The following RALYL variants were observed in gnomAD, a reference collection of about 807,000 sequenced individuals.
The protein encoded by RALYL is RNA-binding Raly-like protein.
RALYL carries 29 observed loss-of-function variants against 35.1 expected under a neutral mutation model. The ratio of observed to expected loss-of-function variants is 0.83; its 90% CI spans 0.61 to 1.13. The LOEUF (loss-of-function observed/expected upper bound fraction) is 1.13. Ranked by LOEUF, RALYL falls within the 50% of genes most tolerant of loss-of-function variation. The pLI is 0.00. For missense variants in RALYL, 359 were observed against 360.4 expected, an observed-to-expected ratio of 1.00 and a Z score of 0.03; for synonymous variants, 120 against 127.6, an observed-to-expected ratio of 0.94 and a Z score of 0.40.
intron 1 of RALYL, among the ~76,000 whole-genome samples, chr8:84,362,408 C>T (rs1853235194): frequency 6.6e-6 from 1 of 151,936 alleles, no homozygotes; most frequent in Non-Finnish European, 1.5e-5. Context: ...CTGATGTGTC[C>T]CTCTAGAGCA....
chr8:84,855,083 G>T (rs1332337472), intron 5 of RALYL, among the ~76,000 whole-genome samples: 1 of 152,202 alleles, frequency 6.6e-6, no homozygotes, highest in Non-Finnish European at 1.5e-5. Flanking sequence ...GCTGAAAAGA[G>T]CAGGAAGCCA....
At chr8:84,466,828 T>C (rs2051748975) in intron 1 of RALYL, among the ~76,000 whole-genome samples, 1 of 151,544 alleles carries the variant, frequency 6.6e-6, no homozygotes. Flanking sequence ...GCTCCTGTTA[T>C]TGGTCTATTC....
chr8:84,518,046 G>C (rs192970395), intron 1 of RALYL, among the ~76,000 whole-genome samples: 2 of 152,068 alleles, frequency 1.3e-5, no homozygotes, highest in African/African-American at 4.8e-5. Flanking sequence ...CTTATTCTCC[G>C]AAGTTTGAAA....
intron 1 of RALYL, among the ~76,000 whole-genome samples, chr8:84,472,433 A>G (rs1313911388): frequency 6.6e-6 from 1 of 152,206 alleles, no homozygotes; most frequent in Non-Finnish European, 1.5e-5. Flanking sequence ...GCCTGAAGAA[A>G]TGATAGGATT....
At chr8:84,278,829 A>G (rs1455074466) in intron 1 of RALYL, among the ~76,000 whole-genome samples, 1 of 152,190 alleles carries the variant, frequency 6.6e-6, no homozygotes, top group Non-Finnish European at 1.5e-5. Context: ...ACAAGTCTCT[A>G]GGAAGTTACA....
chr8:84,679,700 G>T lies in RALYL; in HGVS notation c.257-94879G>T. On this transcript the variant is annotated intron_variant, in intron 2 of 8. Coordinates refer to ENST00000521268, the MANE Select transcript of RALYL (RefSeq NM_173848.7). ...GTGAGAACTAATTCATCAGTTGGAT[G>T]GCTTTGACCCTCAAGGCAATATTAA... The T allele has an allele frequency of 1.2e-5, 6 of 513,772 alleles. 2 individuals carry two copies. The highest frequency in any genetic ancestry group is 8.7e-5 in the South Asian group (6 of 68,642). The allele number at this position is 513,772 out of a possible 1,614,324, so 31.8% of individuals were successfully genotyped here. A position where few individuals can be genotyped will look rare whatever the true frequency, so the allele number is the denominator to read the frequency against.
intron 1 of RALYL, among the ~76,000 whole-genome samples, chr8:84,472,778 C>CT (rs1474740966): frequency 2.0e-5 from 3 of 152,098 alleles, no homozygotes; most frequent in Non-Finnish European, 1.5e-5. Flanking sequence ...ATGTTTTTGA[C>CT]TTAACAGTTT....
chr8:84,899,594 A>G (rs1206782568), intron 8 of RALYL, among the ~76,000 whole-genome samples: 1 of 152,166 alleles, frequency 6.6e-6, no homozygotes, highest in Non-Finnish European at 1.5e-5. Context: ...AACAGTTTTC[A>G]TTATAGCTTA....
intron 2 of RALYL, among the ~76,000 whole-genome samples, chr8:84,540,397 C>A (rs2135231747): frequency 6.6e-6 from 1 of 151,812 alleles, no homozygotes; most frequent in African/African-American, 2.4e-5. Context: ...TGGCTAACAA[C>A]TTTTACCAGG....
chr8:84,692,979 A>G (rs1475226117), intron 2 of RALYL, among the ~76,000 whole-genome samples: 1 of 152,030 alleles, frequency 6.6e-6, no homozygotes, highest in Non-Finnish European at 1.5e-5. Flanking sequence ...CAAACAAATT[A>G]TCTCCTGAAA....
intron 1 of RALYL, among the ~76,000 whole-genome samples, chr8:84,494,531 A>G (rs2055768298): frequency 6.6e-6 from 1 of 152,108 alleles, no homozygotes. Context: ...CTTCCTGTCC[A>G]TGAGGATGGA....
At chr8:84,417,792 C>T (rs2044895390) in intron 1 of RALYL, among the ~76,000 whole-genome samples, 1 of 151,974 alleles carries the variant, frequency 6.6e-6, no homozygotes, top group African/African-American at 2.4e-5. Flanking sequence ...CTTTATTTTC[C>T]CTCCAATTCC....
intron 2 of RALYL, among the ~76,000 whole-genome samples, chr8:84,623,274 A>G (rs1393874822): frequency 2.0e-5 from 3 of 152,184 alleles, no homozygotes; most frequent in Admixed American, 6.5e-5. Flanking sequence ...ATCGTGACAC[A>G]TTAATTTTAG....
chr8:84,251,586 T>C (rs930218406), intron 1 of RALYL, among the ~76,000 whole-genome samples: 3 of 152,130 alleles, frequency 2.0e-5, no homozygotes, highest in Non-Finnish European at 4.4e-5. Context: ...TTGTCTGAAA[T>C]TGATATATTT....
intron 5 of RALYL, among the ~76,000 whole-genome samples, chr8:84,860,176 A>T (rs1462656545): frequency 6.6e-6 from 1 of 152,224 alleles, no homozygotes; most frequent in East Asian, 1.9e-4. Flanking sequence ...AGTAGCAGTG[A>T]ATATAGTGAA....
intron 5 of RALYL, among the ~76,000 whole-genome samples, chr8:84,854,501 TTC>T (rs1836567181): frequency 6.6e-6 from 1 of 152,170 alleles, no homozygotes; most frequent in African/African-American, 2.4e-5. Context: ...CTCTGGATTA[TTC>T]TGTTTTCCCA....
chr8:84,234,857 C>T (rs1197777884), intron 1 of RALYL, among the ~76,000 whole-genome samples: 2 of 151,886 alleles, frequency 1.3e-5, no homozygotes, highest in Non-Finnish European at 2.9e-5. Flanking sequence ...CTCTGCCTCC[C>T]AGGTTCAAGT....
rs117497169 is a variant in RALYL at position 84,352,711 on chromosome 8, T to C, written c.-24+168287T>C. On this transcript the variant is annotated intron_variant, in intron 1 of 8. Coordinates refer to ENST00000521268, the MANE Select transcript of RALYL (RefSeq NM_173848.7). ...GTAATCTGCTGGCATTTGATGCTTA[T>C]TTATTTCTCATTACAATCCTGTGGG... Among the ~76,000 whole-genome samples the C allele has an allele frequency of 6.9e-3, 1,036 of 150,372 alleles. 55 individuals are homozygous for C. The highest frequency in any genetic ancestry group is 8.9e-3 in the Non-Finnish European group (600 of 67,704).
intron 2 of RALYL, among the ~76,000 whole-genome samples, chr8:84,769,854 T>C (rs1398076739): frequency 6.6e-6 from 1 of 152,078 alleles, no homozygotes; most frequent in Non-Finnish European, 1.5e-5. Flanking sequence ...ATAAATTACA[T>C]ACAGAATAAA....
Sources: allele counts gnomAD v4.1 joint callset (sites outside exome capture counted in the v4.1 genomes callset), GRCh38; gene constraint gnomAD v4.1.1; transcripts MANE v1.5; gene names NCBI Gene and HGNC (gene_info 2026-07-23, HGNC 2026-07-21).